Variants in CAGE1 observed in about 807,000 individuals in gnomAD.
CAGE1 encodes cancer antigen 1.
A neutral mutation model predicts 94.9 loss-of-function variants in CAGE1; 66 were observed. The ratio of observed to expected loss-of-function variants is 0.70; its 90% CI spans 0.57 to 0.85. The LOEUF is 0.85. Among genes scored for constraint, CAGE1 ranks in the 40% least tolerant of loss-of-function variants. The pLI is 0.00. For synonymous variants in CAGE1, 319 were observed against 321.0 expected, an observed-to-expected ratio of 0.99 and a Z score of 0.07; for missense variants, 865 against 950.4, an observed-to-expected ratio of 0.91 and a Z score of 1.18.
intron 11 of CAGE1, among the ~76,000 whole-genome samples, chr6:7,346,947 T>A (rs1759570263): frequency 6.6e-6 from 1 of 152,220 alleles, no homozygotes. Context: ...GATTCTGACC[T>A]ATGGTCTCTT....
In CAGE1 at chr6:7,387,210, AT is replaced by A. The variant is rs1561870377; in HGVS notation, c.-23-15del. The A allele has an allele frequency of 1.0e-5, 15 of 1,484,752 alleles. No individual in the cohort carries two copies. Among genetic ancestry groups the A allele is most frequent in the South Asian group, 3.7e-5 (3 of 80,910 alleles). The allele number at this position is 1,484,752 out of a possible 1,614,324, so 92.0% of individuals were successfully genotyped here. Reference sequence around the variant, plus strand: ...AATAGAAGACTTCTTTAAAAAAAAAATGTGTCTATTAGTAGGTATAAACAAA... The same window carrying A: ...AATAGAAGACTTCTTTAAAAAAAAAAGTGTCTATTAGTAGGTATAAACAAA... On this transcript the variant is annotated splice_polypyrimidine_tract_variant and intron_variant, in intron 1 of 13. Transcript: ENST00000502583.
Position 7,368,673 on chromosome 6 carries a change from G to A in CAGE1, c.2004+15C>T. 8.6e-6 allele frequency: 11 copies of A among 1,272,576 alleles called. No individual in the cohort carries two copies. Among genetic ancestry groups the A allele is most frequent in the Non-Finnish European group, 1.1e-5 (10 of 926,958 alleles). 78.8% of individuals were successfully genotyped at this position (1,272,576 alleles called of 1,614,324 possible). A position where few individuals can be genotyped will look rare whatever the true frequency, so the allele number is the denominator to read the frequency against. On this transcript the variant is annotated intron_variant, in intron 7 of 13. Transcript: ENST00000502583. ...AAAAATAATAAAATTTTTAGAAGAA[G>A]AATAAATATAATACCTCTTTATCTA...
chr6:7,372,179 A>G (rs1760557611), intron 5 of CAGE1, among the ~76,000 whole-genome samples: 1 of 152,156 alleles, frequency 6.6e-6, no homozygotes, highest in Non-Finnish European at 1.5e-5. Flanking sequence ...CTTTTCTCAA[A>G]GGAACCCTGG....
At position 7,333,957 on chromosome 6, in the gene CAGE1, C is replaced by T. The variant is rs189802831; in HGVS notation, c.2438+65G>A. 2.2e-4 allele frequency: 230 copies of T among 1,052,600 alleles called. 2 individuals are homozygous for T. The East Asian group carries it at 4.0e-3, about 18-fold the overall frequency. The allele number at this position is 1,052,600 out of a possible 1,614,324, so 65.2% of individuals were successfully genotyped here. A position where few individuals can be genotyped will look rare whatever the true frequency, so the allele number is the denominator to read the frequency against. On this transcript the variant is annotated intron_variant, in intron 12 of 13. Transcript: ENST00000502583. The stretch of plus-strand genomic sequence containing the variant: ...TGCTGGGATTACAGGCGTGAGCCAC[C>T]GCACTTGGCCATATTACCTATATTT...
chr6:7,382,080 C>T (rs764153330), intron 3 of CAGE1, among the ~76,000 whole-genome samples: 5 of 150,484 alleles, frequency 3.3e-5, no homozygotes, highest in South Asian at 4.2e-4. Flanking sequence ...TCTCGTGATC[C>T]GCCCATCTTG....
intron 9 of CAGE1, among the ~76,000 whole-genome samples, chr6:7,364,112 A>G (rs1429676423): frequency 6.6e-6 from 1 of 152,156 alleles, no homozygotes; most frequent in Admixed American, 6.5e-5. Context: ...TTGTATCACC[A>G]GGGCCTGAAG....
intron 11 of CAGE1, among the ~76,000 whole-genome samples, chr6:7,345,085 C>T (rs114000155): frequency 0.019 from 2,827 of 152,218 alleles, 93 homozygotes; most frequent in African/African-American, 0.064. Flanking sequence ...TTCTTTCACC[C>T]TGCAGTAAAT....
chr6:7,341,176 C>T, intron 11 of CAGE1: 4 of 600,934 alleles, frequency 6.7e-6, no homozygotes, highest in Non-Finnish European at 3.1e-6. Flanking sequence ...TTTGTCAATC[C>T]ATTCTGTGTT....
chr6:7,347,516 T>TGGGGGGGGGG (rs1292213281), intron 11 of CAGE1: 8 of 7,538 alleles, frequency 1.1e-3, no homozygotes, highest in Admixed American at 1.3e-3. Flanking sequence ...GGGGGGGGGT[T>TGGGGGGGGGG]GGGGGGGGCG....
intron 12 of CAGE1, 87 bp from the exon 13 acceptor site, chr6:7,329,975 C>T (rs1758689653): frequency 3.2e-6 from 2 of 626,620 alleles, no homozygotes; most frequent in Non-Finnish European, 2.9e-6. Flanking sequence ...CATTATTTAG[C>T]ATATTTTCCC....
intron 9 of CAGE1, among the ~76,000 whole-genome samples, chr6:7,358,025 G>GAAAT (rs1491488344): frequency 0.018 from 356 of 20,274 alleles, 16 homozygotes; most frequent in South Asian, 0.044. Flanking sequence ...GGTAAGTTTT[G>GAAAT]AGATATATAT....
Position 7,332,028 on chromosome 6 carries a change from A to G in CAGE1, c.2438+1994T>C, listed in dbSNP as rs573602763. On this transcript the variant is annotated intron_variant, in intron 12 of 13. Transcript: ENST00000502583. ...TTCACTGTGAGGCATAAACAGTCTCAATTCATTAGGTATACTGTACTGTCT... is the reference window on the plus strand; with the variant it reads ...TTCACTGTGAGGCATAAACAGTCTCGATTCATTAGGTATACTGTACTGTCT... 4.1e-4 allele frequency among the ~76,000 whole-genome samples: 63 copies of G among 152,288 alleles called. 1 individual carries two copies. The highest frequency in any genetic ancestry group is 1.4e-3 in the African/African-American group (58 of 41,570).
chr6:7,343,104 G>A (rs1307370208), intron 11 of CAGE1, among the ~76,000 whole-genome samples: 2 of 151,306 alleles, frequency 1.3e-5, no homozygotes, highest in South Asian at 2.1e-4. Context: ...CAGGAGAATC[G>A]CTTGAACCCG....
chr6:7,381,275 T>C (rs571464791), intron 3 of CAGE1, among the ~76,000 whole-genome samples: 1 of 152,122 alleles, frequency 6.6e-6, no homozygotes, highest in African/African-American at 2.4e-5. Flanking sequence ...GGTGTCCTTA[T>C]AAGAGGAGGA....
chr6:7,356,895 C>A (rs1248483891), intron 9 of CAGE1, among the ~76,000 whole-genome samples: 1 of 152,166 alleles, frequency 6.6e-6, no homozygotes, highest in Non-Finnish European at 1.5e-5. Flanking sequence ...CTCCCAGGTT[C>A]AAGCAATTCT....
intron 10 of CAGE1, 117 bp downstream of exon 10, chr6:7,355,908 C>T (rs1347017230): frequency 1.6e-6 from 1 of 611,754 alleles, no homozygotes; most frequent in Non-Finnish European, 2.9e-6. Context: ...GAGACTGAGG[C>T]AAGGAGGCTT....
intron 3 of CAGE1, among the ~76,000 whole-genome samples, chr6:7,383,495 C>T (rs1364384486): frequency 1.1e-4 from 16 of 152,148 alleles, no homozygotes. Context: ...TATCAAATAC[C>T]AGGTGTCCTC....
chr6:7,353,696 T>TACACACAC (rs59990182), intron 11 of CAGE1, among the ~76,000 whole-genome samples: 6 of 139,596 alleles, frequency 4.3e-5, no homozygotes, highest in East Asian at 2.1e-4. Flanking sequence ...TATATATATG[T>TACACACAC]ACACACACAC....
chr6:7,382,282 T>C (rs1033537395), intron 3 of CAGE1, among the ~76,000 whole-genome samples: 1 of 152,022 alleles, frequency 6.6e-6, no homozygotes, highest in Middle Eastern at 3.4e-3. Context: ...ATGTAGTCAA[T>C]GCATCGATTA....
Sources: gnomAD v4.1 joint callset for allele counts (sites outside exome capture counted in the v4.1 genomes callset) on GRCh38, gnomAD v4.1.1 for gene constraint, MANE v1.5 for transcripts, NCBI Gene and HGNC (gene_info 2026-07-23, HGNC 2026-07-21) for gene names.